The following RGS8 variants were observed in gnomAD, a reference collection of about 807,000 sequenced individuals.
RGS8 encodes regulator of G protein signaling 8.
In RGS8, 8 loss-of-function variants were observed where a neutral mutation model predicts 21.7. The observed-to-expected ratio is 0.37, with a 90% CI of 0.22 to 0.66. The LOEUF is 0.66. Among genes scored for constraint, RGS8 ranks in the 30% least tolerant of loss-of-function variants. The probability of loss-of-function intolerance (pLI) is 0.59; values close to 1 mark genes in which losing one functional copy is unlikely to be tolerated. For missense variants in RGS8, 157 were observed against 217.9 expected (o/e 0.72, Z 1.76); for synonymous variants, 80 against 83.6 (o/e 0.96, Z 0.24).
At chr1:182,746,783 T>C in the RGS8 span, among the ~76,000 whole-genome samples, 1 of 152,150 alleles carries the variant, frequency 6.6e-6, no homozygotes, top group Non-Finnish European at 1.5e-5. Flanking sequence ...GCTTTTCACA[T>C]TCATTTGTCA....
exon 7 of RGS8, chr1:182,646,412 A>G: frequency 4.2e-6 from 1 of 236,638 alleles, no homozygotes; most frequent in Non-Finnish European, 8.2e-6. Flanking sequence ...TGCATTATTT[A>G]CAGATTAGCC....
intron 4 of RGS8, among the ~76,000 whole-genome samples, chr1:182,666,286 C>T (rs558830855): frequency 1.1e-3 from 162 of 152,174 alleles, no homozygotes; most frequent in Non-Finnish European, 1.1e-3. Flanking sequence ...AAGAACAAAG[C>T]TAAGTAAGTA....
intron 5 of RGS8, among the ~76,000 whole-genome samples, chr1:182,663,686 G>A (rs895086478): frequency 2.0e-5 from 3 of 151,446 alleles, no homozygotes; most frequent in South Asian, 2.1e-4. Flanking sequence ...ATTCACCATC[G>A]CACTCCACTA....
At chr1:182,708,867 C>T in the RGS8 span, among the ~76,000 whole-genome samples, 1 of 152,220 alleles carries the variant, frequency 6.6e-6, no homozygotes, top group East Asian at 1.9e-4. Flanking sequence ...CGCTGGTGCT[C>T]CTAACATCTG....
In RGS8 at chr1:182,684,410, C is replaced by A; in HGVS notation, n.167G>T. ...GTGGCTGGTGCGGGCCCCAGCTGGG[C>A]ATGGTTCGGTGAGGCCCTGAGTGAT... On this transcript the variant is annotated non_coding_transcript_exon_variant, in exon 1 of 5. An upstream start codon of the reference 5' UTR is lost. Coordinates refer to the RGS8 transcript ENST00000515211. The surrounding 1 kb of genome is among the most constrained non-coding windows in gnomAD (Gnocchi z 4.2). 6.6e-6 allele frequency: 1 copy of A among 152,408 alleles called. No homozygotes were observed. Among genetic ancestry groups the A allele is most frequent in the East Asian group, 1.9e-4 (1 of 5,196 alleles). The allele number at this position is 152,408 out of a possible 1,614,324, so 9.4% of individuals were successfully genotyped here. A position where few individuals can be genotyped will look rare whatever the true frequency, so the allele number is the denominator to read the frequency against.
chr1:182,674,731 T>G (rs180860724), upstream of RGS8, among the ~76,000 whole-genome samples: 3 of 152,200 alleles, frequency 2.0e-5, no homozygotes, highest in Non-Finnish European at 2.9e-5. Flanking sequence ...CACCTTGGAC[T>G]CTACATTCCC....
downstream of RGS8, chr1:182,643,334 C>CCT (rs1553214952): frequency 7.7e-6 from 1 of 130,240 alleles, no homozygotes; most frequent in African/African-American, 3.4e-5. Context: ...CCCCCCCGCC[C>CCT]CCGCGCTGTG....
chr1:182,673,032 C>A (rs1664237110), upstream of RGS8: 3 of 621,442 alleles, frequency 4.8e-6, no homozygotes, highest in Non-Finnish European at 5.7e-6. Flanking sequence ...GACTGTGATG[C>A]ATGCTAAAGT....
At chr1:182,660,556 G>A (rs1348148214) in intron 5 of RGS8, among the ~76,000 whole-genome samples, 1 of 151,412 alleles carries the variant, frequency 6.6e-6, no homozygotes, top group African/African-American at 2.4e-5. Flanking sequence ...TGCCATATTT[G>A]TTTATTTACT....
chr1:182,750,839 TC>T, the RGS8 span, among the ~76,000 whole-genome samples: 1 of 143,644 alleles, frequency 7.0e-6, no homozygotes, highest in Admixed American at 7.0e-5. Context: ...GACTCTAGAT[TC>T]TAGAGGATGT....
the RGS8 span, among the ~76,000 whole-genome samples, chr1:182,750,121 A>G: frequency 1.3e-5 from 2 of 152,276 alleles, no homozygotes; most frequent in African/African-American, 4.8e-5. Context: ...AAAATTATTT[A>G]GTGAATGCAG....
At chr1:182,725,322 A>G in the RGS8 span, among the ~76,000 whole-genome samples, 3 of 152,230 alleles carry the variant, frequency 2.0e-5, no homozygotes, top group Non-Finnish European at 4.4e-5. Flanking sequence ...ACTTGTTAAA[A>G]CAGACCCCTA....
chr1:182,745,155 C>T, the RGS8 span, among the ~76,000 whole-genome samples: 3 of 152,224 alleles, frequency 2.0e-5, no homozygotes, highest in African/African-American at 7.2e-5. Context: ...ATCTGCAAGA[C>T]AGAGAATTGG....
At chr1:182,704,840 G>C in the RGS8 span, among the ~76,000 whole-genome samples, 1 of 152,148 alleles carries the variant, frequency 6.6e-6, no homozygotes, top group Non-Finnish European at 1.5e-5. Context: ...GGCTTACCCA[G>C]GGCCAACATT....
chr1:182,685,560 A>T (rs189614253), upstream of RGS8, among the ~76,000 whole-genome samples: 10 of 152,350 alleles, frequency 6.6e-5, no homozygotes, highest in Admixed American at 5.9e-4. Context: ...GGAACTCTCC[A>T]CAAACACAGC....
chr1:182,705,899 T>G, the RGS8 span, among the ~76,000 whole-genome samples: 8,569 of 152,260 alleles, frequency 0.056, 268 homozygotes, highest in African/African-American at 0.084. Flanking sequence ...GCAGAGGACA[T>G]TGGAGCAACA....
chr1:182,656,461 C>T (rs1434291092), intron 5 of RGS8, among the ~76,000 whole-genome samples: 4 of 152,236 alleles, frequency 2.6e-5, no homozygotes, highest in Admixed American at 2.0e-4. Context: ...AGTCTCTTCT[C>T]TCCCACAAAA....
At chr1:182,683,855 G>C (rs1211476476) in intron 1 of RGS8, among the ~76,000 whole-genome samples, 1 of 152,144 alleles carries the variant, frequency 6.6e-6, no homozygotes, top group Non-Finnish European at 1.5e-5. Flanking sequence ...CCAAAGACCT[G>C]CACATGTACT....
upstream of RGS8, among the ~76,000 whole-genome samples, chr1:182,689,292 CACACACACACACA>C (rs1557906911): frequency 7.3e-5 from 11 of 150,398 alleles, no homozygotes; most frequent in African/African-American, 2.8e-4. Flanking sequence ...CACACACACA[CACACACACACACA>C]CCCCACAAGT....
Sources: allele counts gnomAD v4.1 joint callset (sites outside exome capture counted in the v4.1 genomes callset), GRCh38; gene constraint gnomAD v4.1.1; non-coding constraint Gnocchi (gnomAD v3.1); transcripts MANE v1.5; gene names NCBI Gene and HGNC (gene_info 2026-07-23, HGNC 2026-07-21).